The following RBM28 variants were observed in gnomAD, a reference collection of about 807,000 sequenced individuals.
The protein encoded by RBM28 is RNA binding motif protein 28.
In RBM28, 78 loss-of-function variants were observed where a neutral mutation model predicts 98.3. That is an observed-to-expected ratio of 0.79 (90% confidence interval 0.66 to 0.96). The LOEUF is 0.96. Ranked by LOEUF, RBM28 falls within the 40% of genes least tolerant of loss-of-function variation. The pLI is 0.00. For synonymous variants in RBM28, 306 were observed against 330.9 expected, an observed-to-expected ratio of 0.92 and a Z score of 0.82; for missense variants, 838 against 913.0, an observed-to-expected ratio of 0.92 and a Z score of 1.06.
At chr7:128,327,228 T>C (rs894104300) in intron 10 of RBM28, among the ~76,000 whole-genome samples, 1 of 152,214 alleles carries the variant, frequency 6.6e-6, no homozygotes, top group Non-Finnish European at 1.5e-5. Context: ...ATGAAGTACC[T>C]ATTAGAGGAC....
chr7:128,338,551 C>A (rs1796653547), intron 4 of RBM28, among the ~76,000 whole-genome samples, 175 bp downstream of exon 4: 2 of 152,210 alleles, frequency 1.3e-5, no homozygotes, highest in Non-Finnish European at 2.9e-5. Flanking sequence ...AACTAACTCG[C>A]CTTCTAAAAC....
chr7:128,311,667 C>T (rs956523485), intron 18 of RBM28, among the ~76,000 whole-genome samples: 2 of 151,770 alleles, frequency 1.3e-5, no homozygotes, highest in Non-Finnish European at 2.9e-5. Flanking sequence ...GTATTTGAAA[C>T]ACATCAAGCA....
At position 128,339,302 on chromosome 7, in the gene RBM28, C is replaced by T; in HGVS notation, c.297G>A (p.Lys99=). The T allele has an allele frequency of 6.2e-7, 1 of 1,612,390 alleles. No individual in the cohort carries two copies. The highest frequency in any genetic ancestry group is 1.7e-5 in the Admixed American group (1 of 59,964). ...TGGCTTTTTTAGCCTTCGGCTCCTT[C>T]TTTGGGCACTCTGAGTTTTCTAAAA... The part of the protein sequence containing the change: ...KGKNENSECP[K]KEPKAKKAKV... Residue 99 remains lysine (K), a synonymous_variant, in exon 3 of 19, where the codon AAG becomes AAA. Coordinates refer to ENST00000223073, the MANE Select transcript of RBM28 (RefSeq NM_018077.3).
rs1027691297 is a variant in RBM28 at position 128,304,630 on chromosome 7, A to G, written c.*6167T>C. ...TGAGGGAGGCTGCTTTCAGATTTCAAGTGGACACTGCTGGCCTGGATAGGG... is the reference window on the plus strand; with the variant it reads ...TGAGGGAGGCTGCTTTCAGATTTCAGGTGGACACTGCTGGCCTGGATAGGG... On this transcript the variant is annotated 3_prime_UTR_variant, in exon 19 of 19. Transcript: ENST00000223073. The G allele has an allele frequency of 2.0e-5, 3 of 152,386 alleles. No homozygotes were observed. The highest frequency in any genetic ancestry group is 7.2e-5 in the African/African-American group (3 of 41,430). 9.4% of individuals were successfully genotyped at this position (152,386 alleles called of 1,614,324 possible). A position where few individuals can be genotyped will look rare whatever the true frequency, so the allele number is the denominator to read the frequency against.
At chr7:128,328,819 C>T (rs1332811082) in intron 10 of RBM28, among the ~76,000 whole-genome samples, 1 of 152,176 alleles carries the variant, frequency 6.6e-6, no homozygotes, top group Non-Finnish European at 1.5e-5. Context: ...CTCAAACCCA[C>T]TCATTTTACA....
intron 14 of RBM28, among the ~76,000 whole-genome samples, 159 bp from the exon 15 acceptor site, chr7:128,318,265 G>A (rs1796148629): frequency 6.6e-6 from 1 of 152,090 alleles, no homozygotes; most frequent in Non-Finnish European, 1.5e-5. Context: ...CAGGAGGATT[G>A]CTTGAGGCCA....
Position 128,310,762 on chromosome 7 carries a change from C to A in RBM28, c.*35G>T, listed in dbSNP as rs78164672. 6.2e-7 allele frequency: 1 copy of A among 1,612,656 alleles called. No individual in the cohort carries two copies. Among genetic ancestry groups the A allele is most frequent in the Non-Finnish European group, 8.5e-7 (1 of 1,179,884 alleles). ...AGCCCAGGAGTGTCACCAGAAAGTA[C>A]ACAACCCAGCTTCTTACCCAGCCTG... On this transcript the variant is annotated 3_prime_UTR_variant, in exon 19 of 19. Coordinates refer to ENST00000223073, the MANE Select transcript of RBM28 (RefSeq NM_018077.3).
chr7:128,339,297 T>C lies in RBM28; in HGVS notation c.302A>G (p.Glu101Gly). 1 of 1,613,190 alleles carries C rather than the reference T, an allele frequency of 6.2e-7. No individual in the cohort carries two copies. The highest frequency in any genetic ancestry group is 2.2e-5 in the East Asian group (1 of 44,872). The change falls in exon 3 of 19, where the codon GAG becomes GGG. Residue 101 changes from glutamate (E) to glycine (G), a missense_variant. Physicochemically the swap from Glu to Gly is moderately conservative, Grantham distance 98. Coordinates refer to ENST00000223073, the MANE Select transcript of RBM28 (RefSeq NM_018077.3). ...KNENSECPKK[E>G]PKAKKAKVAD... is the part of the protein sequence containing the mutation. ...CACTTTGGCTTTTTTAGCCTTCGGC[T>C]CCTTCTTTGGGCACTCTGAGTTTTC... is the stretch of plus-strand genomic sequence containing the variant.
chr7:128,342,311 T>C (rs892706103), intron 1 of RBM28, among the ~76,000 whole-genome samples: 2 of 152,220 alleles, frequency 1.3e-5, no homozygotes, highest in East Asian at 1.9e-4. Flanking sequence ...CAACAGTCTA[T>C]TGGCAACACA....
chr7:128,314,752 C>T lies in RBM28; in HGVS notation c.2045+12G>A. 1 of 1,614,234 alleles carries T rather than the reference C, an allele frequency of 6.2e-7. No individual in the cohort carries two copies. The highest frequency in any genetic ancestry group is 8.5e-7 in the Non-Finnish European group (1 of 1,180,038). ...ACCCACTGTTCTGTGCTTCTGCCCT[C>T]CTGCATCTCACCTGATTTTGGGGCC... On this transcript the variant is annotated intron_variant, in intron 17 of 18. Transcript: ENST00000223073.
chr7:128,325,929 C>T, intron 10 of RBM28, 38 bp from the exon 11 acceptor site: 2 of 1,519,866 alleles, frequency 1.3e-6, no homozygotes, highest in Middle Eastern at 3.4e-4. Flanking sequence ...ATCCCAAACT[C>T]CCACAGATAA....
chr7:128,316,334 T>C (rs1796106837), intron 16 of RBM28, among the ~76,000 whole-genome samples: 2 of 152,224 alleles, frequency 1.3e-5, no homozygotes, highest in African/African-American at 4.8e-5. Flanking sequence ...GATCTGCATA[T>C]GCAAAGTGAG....
At chr7:128,323,730 T>C in intron 12 of RBM28, 139 bp from the exon 13 acceptor site, 1 of 897,986 alleles carries the variant, frequency 1.1e-6, no homozygotes, top group Admixed American at 2.1e-5. Flanking sequence ...GGCATTTGGT[T>C]AGGTCCAGAA....
chr7:128,323,457 C>T (rs962573984), intron 13 of RBM28, 70 bp downstream of exon 13: 28 of 1,560,146 alleles, frequency 1.8e-5, no homozygotes, highest in Non-Finnish European at 2.4e-5. Flanking sequence ...GCACATCTAG[C>T]ATTCGATAAC....
intron 14 of RBM28, among the ~76,000 whole-genome samples, chr7:128,319,378 G>A (rs1025267877): frequency 2.0e-5 from 3 of 152,106 alleles, no homozygotes; most frequent in Admixed American, 2.0e-4. Context: ...ATTATGACAG[G>A]TGTTAAATAT....
Position 128,309,265 on chromosome 7 carries a change from GACAA to G in RBM28, c.*1528_*1531del, listed in dbSNP as rs1452216874. 4 of 152,338 alleles carry G rather than the reference GACAA, an allele frequency of 2.6e-5. No homozygotes were observed. The highest frequency in any genetic ancestry group is 2.1e-4 in the South Asian group (1 of 4,826). 9.4% of individuals were successfully genotyped at this position (152,338 alleles called of 1,614,324 possible). On this transcript the variant is annotated 3_prime_UTR_variant, in exon 19 of 19. Transcript: ENST00000223073. ...ACAAAGCATACATTCTAACTGGAGAGACAAACAATTTCAGATAGAGATTAGTGCT... is the reference window on the plus strand; with the variant it reads ...ACAAAGCATACATTCTAACTGGAGAGACAATTTCAGATAGAGATTAGTGCT...
intron 8 of RBM28, among the ~76,000 whole-genome samples, chr7:128,334,568 T>C (rs1244152763): frequency 6.6e-6 from 1 of 152,200 alleles, no homozygotes; most frequent in Non-Finnish European, 1.5e-5. Flanking sequence ...AATAAAAATC[T>C]CCACCCAGAC....
At chr7:128,333,710 C>G (rs959860366) in intron 8 of RBM28, among the ~76,000 whole-genome samples, 3 of 151,890 alleles carry the variant, frequency 2.0e-5, no homozygotes, top group Non-Finnish European at 4.4e-5. Context: ...AAGAGCGAAA[C>G]AAAGTCTCAA....
intron 6 of RBM28, among the ~76,000 whole-genome samples, chr7:128,336,278 G>A (rs896188226): frequency 1.3e-5 from 2 of 152,138 alleles, no homozygotes; most frequent in African/African-American, 4.8e-5. Context: ...CAGTCTGAAG[G>A]TTCATCTGGC....
Sources: gnomAD v4.1 joint callset for allele counts (sites outside exome capture counted in the v4.1 genomes callset) on GRCh38, gnomAD v4.1.1 for gene constraint, MANE v1.5 for transcripts, NCBI Gene and HGNC (gene_info 2026-07-23, HGNC 2026-07-21) for gene names.